The following MMD variants were observed in gnomAD, a reference collection of about 807,000 sequenced individuals.
MMD encodes the protein monocyte to macrophage differentiation factor.
MMD carries 22 observed loss-of-function variants against 33.6 expected under a neutral mutation model. The ratio of observed to expected loss-of-function variants is 0.66; its 90% CI spans 0.47 to 0.94. The LOEUF (loss-of-function observed/expected upper bound fraction) is 0.94, where lower values mean the gene tolerates loss of function less well. MMD is among the 40% of genes least tolerant of loss of function. The pLI is 0.00. For missense variants in MMD, 242 were observed against 309.8 expected, an observed-to-expected ratio of 0.78 and a Z score of 1.64; for synonymous variants, 97 against 103.2, an observed-to-expected ratio of 0.94 and a Z score of 0.36.
At chr17:55,395,137 CT>C (rs1270179500) in intron 6 of MMD, among the ~76,000 whole-genome samples, 1 of 152,196 alleles carries the variant, frequency 6.6e-6, no homozygotes, top group Non-Finnish European at 1.5e-5. Context: ...GTCTCCAGGC[CT>C]TTTTGTATTC....
At chr17:55,417,983 A>T (rs1908034833) in intron 1 of MMD, among the ~76,000 whole-genome samples, 1 of 151,968 alleles carries the variant, frequency 6.6e-6, no homozygotes, top group Admixed American at 6.5e-5. Flanking sequence ...CTCTCTCTCC[A>T]TCCTCTGGCT....
In MMD at chr17:55,394,395, T is replaced by G; in HGVS notation, c.656A>C (p.His219Pro). ...HLFVATAAAVHYYAIWKYLYR... is the reference protein window; with the variant it reads ...HLFVATAAAVPYYAIWKYLYR... ...AAGGTATTTCCAAATGGCGTAGTAA[T>G]GCACTGCAGCTGCCGTGGCCACAAA... Residue 219 changes from histidine to proline, a missense_variant, in exon 7 of 7, where the codon CAT (histidine) becomes CCT (proline). By Grantham distance (77) the His-to-Pro change is moderately conservative. Transcript: ENST00000262065. The G allele has an allele frequency of 6.7e-7, 1 of 1,491,150 alleles. No individual in the cohort carries two copies. 92.4% of individuals were successfully genotyped at this position (1,491,150 alleles called of 1,614,324 possible).
chr17:55,418,561 C>T (rs1313123904), intron 1 of MMD, among the ~76,000 whole-genome samples: 1 of 152,204 alleles, frequency 6.6e-6, no homozygotes, highest in Non-Finnish European at 1.5e-5. Context: ...CCAAGGGCCC[C>T]TTCAACATCA....
intron 4 of MMD, among the ~76,000 whole-genome samples, chr17:55,405,443 C>T (rs1335536465): frequency 1.3e-5 from 2 of 150,418 alleles, no homozygotes; most frequent in African/African-American, 4.9e-5. Context: ...TCTATAACTA[C>T]AAAAGTCACA....
At chr17:55,410,324 G>T (rs913895797) in intron 3 of MMD, among the ~76,000 whole-genome samples, 2 of 152,206 alleles carry the variant, frequency 1.3e-5, no homozygotes, top group African/African-American at 4.8e-5. Flanking sequence ...CAGATTGTTT[G>T]AATAGTTTGA....
chr17:55,397,819 G>C (rs938528037), intron 6 of MMD, among the ~76,000 whole-genome samples: 1 of 152,086 alleles, frequency 6.6e-6, no homozygotes, highest in Non-Finnish European at 1.5e-5. Flanking sequence ...GGGATTACAT[G>C]CGTGAGCCAC....
intron 4 of MMD, among the ~76,000 whole-genome samples, chr17:55,405,914 TTTAA>T (rs1598431981): frequency 1.3e-5 from 2 of 152,332 alleles, no homozygotes; most frequent in South Asian, 2.1e-4. Context: ...CTAATGTTTC[TTTAA>T]TTAAGAGTTT....
intron 2 of MMD, among the ~76,000 whole-genome samples, chr17:55,413,783 T>A (rs1368550913): frequency 6.6e-6 from 1 of 152,176 alleles, no homozygotes; most frequent in Non-Finnish European, 1.5e-5. Context: ...AACTGTGAAC[T>A]CTCTTTGCCA....
intron 1 of MMD, among the ~76,000 whole-genome samples, chr17:55,417,429 T>TTTTTTTTTTTTTTTTTTTTTTTTG (rs1419119433): frequency 6.6e-6 from 1 of 152,034 alleles, no homozygotes; most frequent in African/African-American, 2.4e-5. Context: ...CAAAGTCTCT[T>TTTTTTTTTTTTTTTTTTTTTTTTG]AACTAGTCTT....
At chr17:55,416,508 C>T (rs754790986) in intron 1 of MMD, among the ~76,000 whole-genome samples, 5 of 152,162 alleles carry the variant, frequency 3.3e-5, no homozygotes, top group African/African-American at 4.8e-5. Context: ...ATCCTGGAAG[C>T]AATTCTCTAA....
At chr17:55,418,301 C>T (rs907530886) in intron 1 of MMD, among the ~76,000 whole-genome samples, 7 of 152,226 alleles carry the variant, frequency 4.6e-5, no homozygotes, top group African/African-American at 1.7e-4. Flanking sequence ...CTGTCTTGTT[C>T]ACCTTTCCAT....
chr17:55,417,146 C>G (rs1378391878), intron 1 of MMD, among the ~76,000 whole-genome samples: 1 of 152,124 alleles, frequency 6.6e-6, no homozygotes, highest in Non-Finnish European at 1.5e-5. Context: ...AACCCACCAG[C>G]AGATCTCAGA....
Position 55,394,380 on chromosome 17 carries a change from C to T in MMD, c.671G>A (p.Trp224Ter). The change falls in exon 7 of 7, where the codon TGG becomes TAG. Residue 224 changes from tryptophan (W) to a stop codon, truncating the protein, a stop_gained. Transcript: ENST00000262065. LOFTEE classifies it high-confidence loss of function. ...TAAAVHYYAI[W>*]KYLYRSPTDF... ...CGTAGGACTTCGGTAAAGGTATTTC[C>T]AAATGGCGTAGTAATGCACTGCAGC... The T allele has an allele frequency of 7.0e-7, 1 of 1,430,974 alleles. No individual in the cohort carries two copies. The highest frequency in any genetic ancestry group is 9.2e-7 in the Non-Finnish European group (1 of 1,089,956). 88.6% of individuals were successfully genotyped at this position (1,430,974 alleles called of 1,614,324 possible). A position where few individuals can be genotyped will look rare whatever the true frequency, so the allele number is the denominator to read the frequency against.
At position 55,397,504 on chromosome 17, in the gene MMD, G is replaced by T. The variant is rs559326167; in HGVS notation, c.517-2970C>A. ...AGGGTTTTTTTGTTTTTTCCTTTCCGCATTTTATTTATTTATTTATTTTAT... is the reference window on the plus strand; with the variant it reads ...AGGGTTTTTTTGTTTTTTCCTTTCCTCATTTTATTTATTTATTTATTTTAT... On this transcript the variant is annotated intron_variant, in intron 6 of 6. Transcript: ENST00000262065. Among the ~76,000 whole-genome samples, 6 of 150,556 alleles carry T rather than the reference G, an allele frequency of 4.0e-5. No homozygotes were observed. The South Asian group carries it at 1.3e-3, about 32-fold the overall frequency.
At chr17:55,407,533 A>C (rs578187745) in intron 4 of MMD, among the ~76,000 whole-genome samples, 1 of 152,270 alleles carries the variant, frequency 6.6e-6, no homozygotes, top group African/African-American at 2.4e-5. Context: ...CCCAGATATT[A>C]TAAACAGCAG....
chr17:55,414,095 T>C, intron 2 of MMD, 56 bp downstream of exon 2: 1 of 1,536,322 alleles, frequency 6.5e-7, no homozygotes, highest in South Asian at 1.1e-5. Flanking sequence ...TAACTACCCC[T>C]TCCTCCCACC....
intron 1 of MMD, among the ~76,000 whole-genome samples, chr17:55,419,410 A>G (rs1176335764): frequency 1.3e-5 from 2 of 152,176 alleles, no homozygotes; most frequent in Non-Finnish European, 2.9e-5. Context: ...TCACATCCTA[A>G]GTTTGTTAAG....
At chr17:55,407,237 G>A (rs2143139806) in intron 4 of MMD, among the ~76,000 whole-genome samples, 1 of 151,898 alleles carries the variant, frequency 6.6e-6, no homozygotes, top group East Asian at 1.9e-4. Context: ...GCTGAGGCAG[G>A]AGAATCTCTT....
chr17:55,405,996 T>C (rs1349228759), intron 4 of MMD, among the ~76,000 whole-genome samples: 1 of 152,224 alleles, frequency 6.6e-6, no homozygotes, highest in Non-Finnish European at 1.5e-5. Context: ...ATGAACAGGA[T>C]ACTAGGTATT....
Sources: allele counts gnomAD v4.1 joint callset (sites outside exome capture counted in the v4.1 genomes callset), GRCh38; gene constraint gnomAD v4.1.1; transcripts MANE v1.5; gene names NCBI Gene and HGNC (gene_info 2026-07-23, HGNC 2026-07-21).